CCAR1: variants seen among roughly 807,000 people sequenced by gnomAD.
The protein encoded by CCAR1 is cell division cycle and apoptosis regulator protein 1.
A neutral mutation model predicts 163.8 loss-of-function variants in CCAR1; 78 were observed. The ratio of observed to expected loss-of-function variants is 0.48; its 90% CI spans 0.40 to 0.57. CCAR1 has a LOEUF of 0.57. Ranked by LOEUF, CCAR1 falls within the 20% of genes least tolerant of loss-of-function variation. The pLI is 0.00. For synonymous variants in CCAR1, 443 were observed against 460.7 expected, an observed-to-expected ratio of 0.96 and a Z score of 0.49; for missense variants, 1,019 against 1,365.2, an observed-to-expected ratio of 0.75 and a Z score of 4.00.
intron 3 of CCAR1, among the ~76,000 whole-genome samples, 149 bp from the exon 4 acceptor site, chr10:68,737,691 ATTTTT>A (rs947715264): frequency 6.6e-6 from 1 of 151,028 alleles, no homozygotes; most frequent in Non-Finnish European, 1.5e-5. Flanking sequence ...TATTATTTTT[ATTTTT>A]TTTGTTTTTT....
intron 10 of CCAR1, among the ~76,000 whole-genome samples, chr10:68,752,874 A>T (rs2056348980): frequency 6.8e-6 from 1 of 147,132 alleles, no homozygotes; most frequent in Non-Finnish European, 1.5e-5. Context: ...CTGCCTGTAG[A>T]TAGGATAGAA....
At chr10:68,787,066 C>CA (rs1406921509) in intron 21 of CCAR1, 2 of 164,818 alleles carry the variant, frequency 1.2e-5, no homozygotes, top group Non-Finnish European at 2.6e-5. Flanking sequence ...GCCTGGGTGA[C>CA]AGAGTGAGAC....
intron 19 of CCAR1, among the ~76,000 whole-genome samples, chr10:68,783,253 G>A (rs1012997411): frequency 4.6e-5 from 7 of 151,808 alleles, no homozygotes; most frequent in Admixed American, 2.0e-4. Flanking sequence ...GCAGTGGCAC[G>A]ATCTTGGCTC....
chr10:68,729,610 C>T lies in CCAR1; in HGVS notation c.73+7033C>T, dbSNP rs558590424. On this transcript the variant is annotated intron_variant, in intron 2 of 24. Transcript: ENST00000265872. Reference sequence around the variant, plus strand: ...TGTAATCCTAGCGCTTTGAGAGGGTCGCTTGATTCCAGGAGTTTGAGACCA... The same window carrying T: ...TGTAATCCTAGCGCTTTGAGAGGGTTGCTTGATTCCAGGAGTTTGAGACCA... Among the ~76,000 whole-genome samples the T allele has an allele frequency of 8.3e-4, 126 of 151,220 alleles. 1 individual carries two copies. The South Asian group carries it at 0.015, about 18-fold the overall frequency.
chr10:68,751,058 G>A (rs1459830686), intron 10 of CCAR1, among the ~76,000 whole-genome samples: 2 of 147,634 alleles, frequency 1.4e-5, no homozygotes, highest in Non-Finnish European at 3.0e-5. Flanking sequence ...ATGGAGTTTC[G>A]CTCTTGTTCC....
chr10:68,722,061 C>G (rs1379238656), intron 1 of CCAR1, among the ~76,000 whole-genome samples: 2 of 152,024 alleles, frequency 1.3e-5, no homozygotes, highest in East Asian at 3.9e-4. Context: ...TTAACATTAC[C>G]CTGGCCTCAC....
chr10:68,766,582 A>C (rs983814710), intron 17 of CCAR1, among the ~76,000 whole-genome samples: 1 of 151,108 alleles, frequency 6.6e-6, no homozygotes, highest in Non-Finnish European at 1.5e-5. Context: ...GCTGGAGTGC[A>C]GTGATATGAT....
chr10:68,736,347 T>C lies in CCAR1; in HGVS notation c.74-529T>C, dbSNP rs116640035. ...TACTTCACCTACTTATCTTTTGTGG[T>C]GAGAAGACTTAAAAGTCTGCTCTCT... On this transcript the variant is annotated intron_variant, in intron 2 of 24. Coordinates refer to ENST00000265872, the MANE Select transcript of CCAR1 (RefSeq NM_018237.4). 5.7e-3 allele frequency among the ~76,000 whole-genome samples: 871 copies of C among 152,308 alleles called. 9 individuals are homozygous for C. Among genetic ancestry groups the C allele is most frequent in the African/African-American group, 0.02 (820 of 41,566 alleles).
intron 4 of CCAR1, 62 bp downstream of exon 4, chr10:68,737,951 A>G (rs2056133710): frequency 1.8e-6 from 2 of 1,101,244 alleles, no homozygotes; most frequent in Non-Finnish European, 2.7e-6. Context: ...CCAAAGTTCA[A>G]TTGATAGAGA....
chr10:68,734,332 T>G (rs1164249453), intron 2 of CCAR1, among the ~76,000 whole-genome samples: 1 of 152,052 alleles, frequency 6.6e-6, no homozygotes, highest in Non-Finnish European at 1.5e-5. Context: ...GAGCAAATAC[T>G]GGTTTTTACG....
At position 68,789,737 on chromosome 10, in the gene CCAR1, T is replaced by G. The variant is rs201664147; in HGVS notation, c.3215T>G (p.Leu1072Trp). 52 of 1,585,086 alleles carry G rather than the reference T, an allele frequency of 3.3e-5. 1 individual carries two copies. The East Asian group carries it at 1.2e-3, about 36-fold the overall frequency. The change falls in exon 24 of 25, where the codon TTG (leucine) becomes TGG (tryptophan). Residue 1072 changes from leucine (L) to tryptophan (W), a missense_variant. By Grantham distance (61) the Leu-to-Trp change is moderately conservative (BLOSUM62 -2). Transcript: ENST00000265872. Reference sequence around the variant, plus strand: ...GAAGATGAAAAAACCATATTAAATTTGGAGAATTCCAACAAAAGCCTCTCT... The same window carrying G: ...GAAGATGAAAAAACCATATTAAATTGGGAGAATTCCAACAAAAGCCTCTCT... Reference protein sequence around the residue: ...TDEDEKTILNLENSNKSLSGE... With the variant: ...TDEDEKTILNWENSNKSLSGE...
intron 4 of CCAR1, among the ~76,000 whole-genome samples, chr10:68,738,627 AT>A (rs1044992349): frequency 2.2e-4 from 34 of 152,106 alleles, no homozygotes; most frequent in African/African-American, 7.5e-4. Context: ...ATTTTTAAAA[AT>A]TTTTGTTACA....
At chr10:68,789,389 C>T (rs1215997357) in intron 23 of CCAR1, among the ~76,000 whole-genome samples, 3 of 151,656 alleles carry the variant, frequency 2.0e-5, no homozygotes, top group African/African-American at 7.3e-5. Flanking sequence ...GTCAGGAGTT[C>T]GAGACCAGCC....
rs111866104 is a variant in CCAR1 at position 68,772,311 on chromosome 10, C to G, written c.2539-677C>G. Among the ~76,000 whole-genome samples the G allele has an allele frequency of 3.4e-3, 516 of 151,934 alleles. 1 individual carries two copies. The highest frequency in any genetic ancestry group is 5.3e-3 in the Admixed American group (80 of 15,234). On this transcript the variant is annotated intron_variant, in intron 18 of 24. Transcript: ENST00000265872. ...CATCCTGGACAACATGGTGAAACCC[C>G]CTCTCTACAAAAATTAGGAAAATTA...
chr10:68,752,532 G>T (rs1167088446), intron 10 of CCAR1, among the ~76,000 whole-genome samples: 2 of 152,030 alleles, frequency 1.3e-5, no homozygotes, highest in Non-Finnish European at 2.9e-5. Context: ...TCAGATACTT[G>T]TTTCATGTTT....
Position 68,792,362 on chromosome 10 carries a change from TA to T in CCAR1, c.*1097del, listed in dbSNP as rs1409807997. ...AAATTAAGTCTTCTTTAATTAAAGATATTTTTTTAAATTAACCTGTGTACTT... is the reference window on the plus strand; with the variant it reads ...AAATTAAGTCTTCTTTAATTAAAGATTTTTTTTAAATTAACCTGTGTACTT... On this transcript the variant is annotated 3_prime_UTR_variant, in exon 25 of 25. Transcript: ENST00000265872. 6 of 152,214 alleles carry T rather than the reference TA, an allele frequency of 3.9e-5. No individual in the cohort carries two copies. Among genetic ancestry groups the T allele is most frequent in the Admixed American group, 2.0e-4 (3 of 15,274 alleles). 9.4% of individuals were successfully genotyped at this position (152,214 alleles called of 1,614,324 possible). A position where few individuals can be genotyped will look rare whatever the true frequency, so the allele number is the denominator to read the frequency against.
At chr10:68,762,636 T>C (rs2056487773) in intron 16 of CCAR1, among the ~76,000 whole-genome samples, 1 of 152,374 alleles carries the variant, frequency 6.6e-6, no homozygotes, top group African/African-American at 2.4e-5. Context: ...CTAAATCTTA[T>C]ACATTGTAAA....
chr10:68,738,992 G>A (rs2056149250), intron 4 of CCAR1, among the ~76,000 whole-genome samples: 3 of 152,128 alleles, frequency 2.0e-5, no homozygotes, highest in South Asian at 4.1e-4. Flanking sequence ...TATTCCCTAG[G>A]CATGTTTAAA....
intron 17 of CCAR1, among the ~76,000 whole-genome samples, 173 bp from the exon 18 acceptor site, chr10:68,771,033 G>A (rs189853286): frequency 1.1e-3 from 163 of 152,054 alleles, no homozygotes; most frequent in Non-Finnish European, 1.9e-3. Context: ...AGCCAAGATC[G>A]TGCCGCTGCA....
Sources: allele counts gnomAD v4.1 joint callset (sites outside exome capture counted in the v4.1 genomes callset), GRCh38; gene constraint gnomAD v4.1.1; transcripts MANE v1.5; gene names NCBI Gene and HGNC (gene_info 2026-07-23, HGNC 2026-07-21).